Variants in IL34 observed in about 807,000 individuals in gnomAD.
IL34 encodes interleukin-34.
IL34 carries 17 observed loss-of-function variants against 25.3 expected under a neutral mutation model. The ratio of observed to expected loss-of-function variants is 0.67; its 90% CI spans 0.46 to 1.01. The LOEUF is 1.01. Among genes scored for constraint, IL34 ranks in the 50% least tolerant of loss-of-function variants. IL34 has a pLI of 0.00. For missense variants in IL34, 368 were observed against 312.9 expected (o/e 1.18, Z -1.33); for synonymous variants, 174 against 140.9 (o/e 1.23, Z -1.66).
chr16:70,639,380 C>T lies in IL34; in HGVS notation c.-400-7168C>T, dbSNP rs561411528. ...GAAATAGGAGGAAAGCACAATATTG[C>T]GTTTATATCAGACATCTTGGCAAAG... On this transcript the variant is annotated intron_variant, in intron 1 of 6. Transcript: ENST00000429149. Among the ~76,000 whole-genome samples, 276 of 152,248 alleles carry T rather than the reference C, an allele frequency of 1.8e-3. 1 individual carries two copies. The highest frequency in any genetic ancestry group is 3.1e-3 in the Non-Finnish European group (212 of 68,024).
chr16:70,639,422 G>A (rs547674608), intron 1 of IL34, among the ~76,000 whole-genome samples: 1 of 152,290 alleles, frequency 6.6e-6, no homozygotes, highest in South Asian at 2.1e-4. Flanking sequence ...ATCTGCTACT[G>A]CCTCTGCTTG....
chr16:70,634,481 A>G (rs1464417063), intron 1 of IL34, among the ~76,000 whole-genome samples: 1 of 152,006 alleles, frequency 6.6e-6, no homozygotes, highest in South Asian at 2.1e-4. Flanking sequence ...GGAGTTCGAG[A>G]CCAGCCTGAC....
rs558227945 is a variant in IL34 at position 70,632,994 on chromosome 16, C to T, written c.-400-13554C>T. Among the ~76,000 whole-genome samples, 16 of 152,144 alleles carry T rather than the reference C, an allele frequency of 1.1e-4. 1 individual carries two copies. The South Asian group carries it at 3.1e-3, about 30-fold the overall frequency. On this transcript the variant is annotated intron_variant, in intron 1 of 6. Transcript: ENST00000429149. ...CAGGACATATTTTTTTTTGAAACAG[C>T]GTCTCTGTCACCCATGCTGGGGTGC...
intron 1 of IL34, among the ~76,000 whole-genome samples, chr16:70,628,832 G>C (rs1316253543): frequency 6.9e-6 from 1 of 144,178 alleles, no homozygotes; most frequent in Non-Finnish European, 1.5e-5. Flanking sequence ...TGTATGCCCA[G>C]GCTGAAGTGC....
At chr16:70,633,586 T>C (rs1329686556) in intron 1 of IL34, among the ~76,000 whole-genome samples, 1 of 151,896 alleles carries the variant, frequency 6.6e-6, no homozygotes, top group African/African-American at 2.4e-5. Context: ...TCTTAAATGT[T>C]CAGGTGGGTG....
intron 1 of IL34, among the ~76,000 whole-genome samples, chr16:70,583,178 T>C (rs528822011): frequency 6.6e-6 from 1 of 152,258 alleles, no homozygotes; most frequent in South Asian, 2.1e-4. Flanking sequence ...AGTGTCCCGA[T>C]TTCAGCTCAC....
intron 1 of IL34, among the ~76,000 whole-genome samples, chr16:70,606,306 G>A (rs1341090244): frequency 6.6e-6 from 1 of 152,038 alleles, no homozygotes; most frequent in Non-Finnish European, 1.5e-5. Flanking sequence ...GCTGAGGCAC[G>A]AGAATCACTT....
upstream of IL34, among the ~76,000 whole-genome samples, chr16:70,646,363 A>G (rs2051928708): frequency 1.3e-5 from 2 of 152,212 alleles, no homozygotes; most frequent in South Asian, 4.1e-4. Context: ...AGCTGGTGTC[A>G]TCATAACTCA....
intron 1 of IL34, among the ~76,000 whole-genome samples, chr16:70,597,670 T>C (rs1280675599): frequency 1.3e-5 from 2 of 152,214 alleles, no homozygotes; most frequent in Non-Finnish European, 2.9e-5. Context: ...AGGCAGAATG[T>C]GTTTTCTTAC....
At chr16:70,651,214 A>G (rs1241903026) in intron 1 of IL34, among the ~76,000 whole-genome samples, 2 of 151,994 alleles carry the variant, frequency 1.3e-5, no homozygotes, top group East Asian at 1.9e-4. Context: ...GGAGGCTTTG[A>G]AAGAGGTCTG....
At chr16:70,647,391 C>T (rs576611268) in intron 1 of IL34, among the ~76,000 whole-genome samples, 1 of 151,928 alleles carries the variant, frequency 6.6e-6, no homozygotes, top group Non-Finnish European at 1.5e-5. Context: ...AGAAGAGCAG[C>T]CAGATGCCTG....
chr16:70,588,798 C>T lies in IL34; in HGVS notation c.-401+8749C>T, dbSNP rs2050721114. On this transcript the variant is annotated intron_variant, in intron 1 of 6. Coordinates refer to the IL34 transcript ENST00000429149. ...GAAATCAAGTGAAATTAGCCAGGCACAAAAGATAAATACTGTATGATTCTA... is the reference window on the plus strand; with the variant it reads ...GAAATCAAGTGAAATTAGCCAGGCATAAAAGATAAATACTGTATGATTCTA... 3.3e-5 allele frequency among the ~76,000 whole-genome samples: 5 copies of T among 152,082 alleles called. No individual in the cohort carries two copies. The South Asian group carries it at 1.0e-3, about 32-fold the overall frequency.
intron 1 of IL34, among the ~76,000 whole-genome samples, chr16:70,594,523 A>C (rs1309300730): frequency 6.6e-6 from 1 of 152,190 alleles, no homozygotes; most frequent in Non-Finnish European, 1.5e-5. Flanking sequence ...AAAGACAGTT[A>C]CTGATGCCTG....
At chr16:70,624,429 G>A (rs1345563688) in intron 1 of IL34, among the ~76,000 whole-genome samples, 1 of 152,136 alleles carries the variant, frequency 6.6e-6, no homozygotes, top group Non-Finnish European at 1.5e-5. Flanking sequence ...TGGGGTTTGA[G>A]GGCCAGATTC....
chr16:70,617,782 G>T (rs2051196241), intron 1 of IL34, among the ~76,000 whole-genome samples: 1 of 151,988 alleles, frequency 6.6e-6, no homozygotes, highest in Admixed American at 6.6e-5. Flanking sequence ...AAACTGCTTG[G>T]CTGATTTGAC....
chr16:70,626,441 G>C (rs1028473757), intron 1 of IL34, among the ~76,000 whole-genome samples: 98 of 152,262 alleles, frequency 6.4e-4, no homozygotes, highest in African/African-American at 2.2e-3. Context: ...TTGTTGCCCA[G>C]GCTGGAATGG....
chr16:70,651,035 G>A (rs139371051), intron 1 of IL34, among the ~76,000 whole-genome samples: 6,309 of 152,100 alleles, frequency 0.041, 326 homozygotes, highest in African/African-American at 0.12. Flanking sequence ...CTGGTGAAAC[G>A]CCGTCTCTAC....
At chr16:70,620,552 G>A (rs1567447709) in intron 1 of IL34, among the ~76,000 whole-genome samples, 2 of 152,094 alleles carry the variant, frequency 1.3e-5, no homozygotes, top group Non-Finnish European at 2.9e-5. Flanking sequence ...AGGAAGATTA[G>A]AAAGACTCAG....
upstream of IL34, among the ~76,000 whole-genome samples, chr16:70,644,616 C>T (rs1339142220): frequency 2.0e-5 from 3 of 151,542 alleles, no homozygotes; most frequent in Admixed American, 6.6e-5. Context: ...TGAAAAAAAT[C>T]CCCAAACTAA....
Sources: gnomAD v4.1 joint callset for allele counts (sites outside exome capture counted in the v4.1 genomes callset) on GRCh38, gnomAD v4.1.1 for gene constraint, MANE v1.5 for transcripts, NCBI Gene and HGNC (gene_info 2026-07-23, HGNC 2026-07-21) for gene names.